CTNNA3: variants seen among roughly 807,000 people sequenced by gnomAD.
The protein encoded by CTNNA3 is catenin alpha 3, also known as catenin alpha-3.
CTNNA3 carries 76 observed loss-of-function variants against 95.7 expected under a neutral mutation model. The observed-to-expected ratio is 0.79, with a 90% CI of 0.66 to 0.96. CTNNA3 has a LOEUF of 0.96. Ranked by LOEUF, CTNNA3 falls within the 40% of genes least tolerant of loss-of-function variation. The pLI, the probability that CTNNA3 is intolerant of heterozygous loss-of-function variation, is 0.00. For synonymous variants in CTNNA3, 431 were observed against 374.4 expected, an observed-to-expected ratio of 1.15 and a Z score of -1.74; for missense variants, 1,191 against 1,089.8, an observed-to-expected ratio of 1.09 and a Z score of -1.31.
chr10:66,700,393 T>A lies in CTNNA3; in HGVS notation c.1281+65871A>T, dbSNP rs79112804. ...ACACCAGTTATTGAAGATACTACCC[T>A]CTCTCCATCGTGTCTTCTTGGTAGC... On this transcript the variant is annotated intron_variant, in intron 9 of 17. Transcript: ENST00000433211. Among the ~76,000 whole-genome samples the A allele has an allele frequency of 2.7e-3, 410 of 152,292 alleles. 11 individuals are homozygous for A. In the East Asian group the frequency reaches 0.055, roughly 20 times the overall value.
chr10:67,358,268 C>G (rs1367838809), intron 5 of CTNNA3, among the ~76,000 whole-genome samples: 2 of 152,174 alleles, frequency 1.3e-5, no homozygotes, highest in East Asian at 3.9e-4. Context: ...GAAAACTGAA[C>G]TGGACTTCAT....
At chr10:67,396,772 A>G (rs918436033) in intron 5 of CTNNA3, among the ~76,000 whole-genome samples, 1 of 139,080 alleles carries the variant, frequency 7.2e-6, no homozygotes, top group Non-Finnish European at 1.5e-5. Flanking sequence ...TGGGAGGGAC[A>G]CGGTGGGAGG....
At chr10:67,363,340 C>T (rs1364419099) in intron 5 of CTNNA3, among the ~76,000 whole-genome samples, 3 of 151,894 alleles carry the variant, frequency 2.0e-5, no homozygotes, top group African/African-American at 7.2e-5. Flanking sequence ...AAACCAGAGG[C>T]ATCACACTAC....
intron 13 of CTNNA3, among the ~76,000 whole-genome samples, chr10:66,232,942 G>A (rs960608191): frequency 9.2e-5 from 14 of 152,068 alleles, no homozygotes; most frequent in African/African-American, 3.4e-4. Context: ...CGGCTCACGA[G>A]GTCAGGAGAT....
chr10:67,443,838 T>G (rs933746057), intron 5 of CTNNA3, among the ~76,000 whole-genome samples: 7 of 152,262 alleles, frequency 4.6e-5, no homozygotes, highest in South Asian at 2.1e-4. Flanking sequence ...TTGTTGCCAT[T>G]GCTTTTGGTG....
chr10:66,105,404 C>T (rs1349694192), intron 13 of CTNNA3, among the ~76,000 whole-genome samples: 1 of 152,172 alleles, frequency 6.6e-6, no homozygotes, highest in East Asian at 1.9e-4. Flanking sequence ...AATTCTCTTT[C>T]TTGTGCCCTG....
At chr10:66,852,617 G>T (rs930709464) in intron 7 of CTNNA3, among the ~76,000 whole-genome samples, 1 of 152,054 alleles carries the variant, frequency 6.6e-6, no homozygotes, top group African/African-American at 2.4e-5. Flanking sequence ...CTGGGGAGAC[G>T]CATGAAGAAT....
At chr10:66,427,227 C>T (rs894951936) in intron 11 of CTNNA3, among the ~76,000 whole-genome samples, 32 of 152,152 alleles carry the variant, frequency 2.1e-4, no homozygotes, top group Admixed American at 5.2e-4. Context: ...AAAAACTCCA[C>T]ATTGGAGCCC....
intron 5 of CTNNA3, among the ~76,000 whole-genome samples, chr10:67,359,791 C>T (rs747085595): frequency 6.6e-6 from 1 of 152,016 alleles, no homozygotes; most frequent in Non-Finnish European, 1.5e-5. Context: ...GTACCTAGTC[C>T]AGGAAAATTT....
chr10:66,926,170 G>T (rs748900350), intron 7 of CTNNA3: 1 of 464,716 alleles, frequency 2.2e-6, no homozygotes, highest in Non-Finnish European at 4.3e-6. Flanking sequence ...GAACTGCTGG[G>T]GTATGGAATA....
At chr10:67,666,251 C>A (rs1168692680) in intron 1 of CTNNA3, among the ~76,000 whole-genome samples, 3 of 152,106 alleles carry the variant, frequency 2.0e-5, no homozygotes, top group Admixed American at 1.3e-4. Context: ...ATAGCTCTTA[C>A]AACAGTAATT....
At chr10:67,682,846 T>C (rs1840653137) in intron 1 of CTNNA3, among the ~76,000 whole-genome samples, 1 of 152,172 alleles carries the variant, frequency 6.6e-6, no homozygotes, top group Non-Finnish European at 1.5e-5. Context: ...GTCCATCAAT[T>C]CAGAATGGGC....
chr10:66,720,168 C>T (rs78683418), intron 9 of CTNNA3, among the ~76,000 whole-genome samples: 2 of 151,704 alleles, frequency 1.3e-5, no homozygotes, highest in Non-Finnish European at 2.9e-5. Flanking sequence ...CCTTCTCTCT[C>T]GTTATCTCAC....
intron 7 of CTNNA3, among the ~76,000 whole-genome samples, chr10:66,877,508 C>T (rs550771344): frequency 6.6e-6 from 1 of 152,236 alleles, no homozygotes; most frequent in Admixed American, 6.5e-5. Context: ...TGAACTGTCA[C>T]CTATCAATGC....
intron 5 of CTNNA3, among the ~76,000 whole-genome samples, chr10:67,231,504 C>T (rs986147177): frequency 6.6e-6 from 1 of 152,124 alleles, no homozygotes; most frequent in African/African-American, 2.4e-5. Context: ...GAAAGGACAT[C>T]CACACCAAAA....
chr10:67,262,469 C>T (rs927781872), intron 5 of CTNNA3, among the ~76,000 whole-genome samples: 1 of 152,170 alleles, frequency 6.6e-6, no homozygotes, highest in Admixed American at 6.6e-5. Context: ...TGAGATTCCC[C>T]AACTTATATT....
intron 16 of CTNNA3, 33 bp downstream of exon 16, chr10:65,988,659 A>G: frequency 1.3e-6 from 2 of 1,544,354 alleles, no homozygotes; most frequent in Non-Finnish European, 1.8e-6. Context: ...AATTAGCATG[A>G]ACTTTTATGA....
chr10:67,727,478 T>C (rs1374924685), intron 1 of CTNNA3, among the ~76,000 whole-genome samples: 1 of 132,510 alleles, frequency 7.5e-6, no homozygotes, highest in Non-Finnish European at 1.6e-5. Flanking sequence ...ATTATATATT[T>C]ATATATTATA....
Position 66,094,509 on chromosome 10 carries a change from A to G in CTNNA3, c.1977+8648T>C, listed in dbSNP as rs2081320917. 2.0e-5 allele frequency among the ~76,000 whole-genome samples: 3 copies of G among 152,108 alleles called. No homozygotes were observed. In the South Asian group the frequency reaches 6.2e-4, roughly 32 times the overall value. On this transcript the variant is annotated intron_variant, in intron 14 of 17. Transcript: ENST00000433211. ...GACAAGTTAGGAACATGCTGCAGAA[A>G]TCTAGGTGAGAGGTGCCGGTGCCTA...
Sources: gnomAD v4.1 joint callset for allele counts (sites outside exome capture counted in the v4.1 genomes callset) on GRCh38, gnomAD v4.1.1 for gene constraint, MANE v1.5 for transcripts, NCBI Gene and HGNC (gene_info 2026-07-23, HGNC 2026-07-21) for gene names.